The following LARGE1 variants were observed in gnomAD, a reference collection of about 807,000 sequenced individuals.
LARGE1 encodes LARGE xylosyl- and glucuronyltransferase 1, also known as xylosyl- and glucuronyltransferase LARGE1.
LARGE1 carries 43 observed loss-of-function variants against 87.6 expected under a neutral mutation model. The ratio of observed to expected loss-of-function variants is 0.49; its 90% confidence interval spans 0.38 to 0.63. LARGE1 has a LOEUF of 0.63. LARGE1 is among the 30% of genes least tolerant of loss of function. LARGE1 has a pLI of 0.00. For synonymous variants in LARGE1, 434 were observed against 394.6 expected, an observed-to-expected ratio of 1.10 and a Z score of -1.18; for missense variants, 802 against 1,000.2, an observed-to-expected ratio of 0.80 and a Z score of 2.67.
At chr22:33,760,111 A>G (rs923098946) in intron 2 of LARGE1, among the ~76,000 whole-genome samples, 3 of 152,236 alleles carry the variant, frequency 2.0e-5, no homozygotes, top group Non-Finnish European at 4.4e-5. Context: ...AATTATGCAT[A>G]AAGGAAACGT....
intron 11 of LARGE1, among the ~76,000 whole-genome samples, chr22:33,187,793 G>A (rs977382853): frequency 6.6e-5 from 10 of 151,352 alleles, no homozygotes; most frequent in East Asian, 2.0e-4. Flanking sequence ...GCATGGTGGC[G>A]GGTGCCTGTA....
intron 7 of LARGE1, among the ~76,000 whole-genome samples, chr22:33,388,718 AC>A (rs2065411868): frequency 6.6e-6 from 1 of 152,006 alleles, no homozygotes; most frequent in Admixed American, 6.6e-5. Flanking sequence ...GGCACACACC[AC>A]CACGCCTGGC....
intron 9 of LARGE1, among the ~76,000 whole-genome samples, chr22:33,348,264 C>T (rs1939982265): frequency 1.8e-5 from 2 of 112,176 alleles, no homozygotes; most frequent in South Asian, 6.7e-4. Context: ...GAGACTCTGT[C>T]CCCGCTCCCC....
chr22:33,785,816 TA>T (rs35227683), intron 1 of LARGE1, among the ~76,000 whole-genome samples: 3 of 151,646 alleles, frequency 2.0e-5, no homozygotes, highest in Non-Finnish European at 2.9e-5. Context: ...CAAAGCCACT[TA>T]AAAAAAAATT....
chr22:33,808,092 A>G (rs1429011805), intron 1 of LARGE1, among the ~76,000 whole-genome samples: 1 of 152,238 alleles, frequency 6.6e-6, no homozygotes, highest in Non-Finnish European at 1.5e-5. Context: ...TGTCTTCCAA[A>G]GTGGCTATAC....
intron 5 of LARGE1, among the ~76,000 whole-genome samples, chr22:33,569,858 G>A (rs1365532570): frequency 1.3e-5 from 2 of 152,208 alleles, no homozygotes; most frequent in Non-Finnish European, 2.9e-5. Context: ...AGGCAGGGAC[G>A]ATGTCTTTTT....
chr22:33,152,726 G>A, the LARGE1 span, among the ~76,000 whole-genome samples: 3 of 152,086 alleles, frequency 2.0e-5, no homozygotes, highest in South Asian at 6.2e-4. Context: ...AAAGGATCTG[G>A]TTTCTTTTTA....
At chr22:33,862,201 G>C (rs967305120) in intron 1 of LARGE1, among the ~76,000 whole-genome samples, 1 of 152,116 alleles carries the variant, frequency 6.6e-6, no homozygotes, top group Non-Finnish European at 1.5e-5. Context: ...CTCTGTCCTC[G>C]AGAGCTCACG....
At chr22:33,744,790 G>T (rs992839909) in intron 2 of LARGE1, among the ~76,000 whole-genome samples, 1 of 152,198 alleles carries the variant, frequency 6.6e-6, no homozygotes, top group Non-Finnish European at 1.5e-5. Flanking sequence ...GGAGGAGAAG[G>T]AGGAAAGACA....
intron 6 of LARGE1, among the ~76,000 whole-genome samples, chr22:33,549,461 T>A (rs944951011): frequency 6.6e-6 from 1 of 152,216 alleles, no homozygotes; most frequent in African/African-American, 2.4e-5. Flanking sequence ...TGTGCCCTTT[T>A]GTGGATGTGA....
chr22:33,464,840 C>G (rs2068522873), intron 6 of LARGE1, among the ~76,000 whole-genome samples: 1 of 151,460 alleles, frequency 6.6e-6, no homozygotes, highest in South Asian at 2.1e-4. Flanking sequence ...TGCACACACC[C>G]ACGCACACAT....
intron 6 of LARGE1, among the ~76,000 whole-genome samples, chr22:33,482,789 G>C (rs914067713): frequency 1.3e-5 from 2 of 152,056 alleles, no homozygotes; most frequent in Admixed American, 6.6e-5. Context: ...TTGACTGTAG[G>C]CACCCTATTT....
the LARGE1 span, among the ~76,000 whole-genome samples, chr22:33,113,265 T>A: frequency 6.7e-6 from 1 of 148,340 alleles, no homozygotes; most frequent in Non-Finnish European, 1.5e-5. Context: ...TGGAGTGCAA[T>A]GGCATGATCT....
chr22:33,750,894 T>G (rs2084290457), intron 2 of LARGE1: 1 of 152,218 alleles, frequency 6.6e-6, no homozygotes. Flanking sequence ...CCAATGTCAT[T>G]ACATAGAAGT....
At chr22:33,393,192 G>A (rs2065594388) in intron 7 of LARGE1, among the ~76,000 whole-genome samples, 1 of 152,146 alleles carries the variant, frequency 6.6e-6, no homozygotes, top group Non-Finnish European at 1.5e-5. Flanking sequence ...TTCTTCAAAG[G>A]TTAGGAGTTT....
Position 33,633,495 on chromosome 22 carries a change from A to G in LARGE1, c.409-7169T>C, listed in dbSNP as rs199815091. Among the ~76,000 whole-genome samples, 591 of 152,244 alleles carry G rather than the reference A, an allele frequency of 3.9e-3. 3 individuals carry two copies. Among genetic ancestry groups the G allele is most frequent in the African/African-American group, 0.014 (574 of 41,536 alleles). On this transcript the variant is annotated intron_variant, in intron 3 of 14. Coordinates refer to ENST00000397394, the MANE Select transcript of LARGE1 (RefSeq NM_133642.5). Reference sequence around the variant, plus strand: ...CAGTTTTTCACAGATAAATATGGGGAAAAAAATCATTGTCCCAAAAGAAAT... The same window carrying G: ...CAGTTTTTCACAGATAAATATGGGGGAAAAAATCATTGTCCCAAAAGAAAT...
chr22:33,557,394 T>G (rs2077722159), intron 6 of LARGE1, among the ~76,000 whole-genome samples: 1 of 151,972 alleles, frequency 6.6e-6, no homozygotes, highest in African/African-American at 2.4e-5. Flanking sequence ...GGCAGGCTGG[T>G]TAAGAGAGGC....
In LARGE1 at chr22:33,452,444, TCTC is replaced by T. The variant is rs1287488862; in HGVS notation, c.788-20182_788-20180del. On this transcript the variant is annotated intron_variant, in intron 6 of 14. Transcript: ENST00000397394. ...GGCAGAGAAGGTAGAGGTGGTGGCT[TCTC>T]CTCCAGGAAGGGGCCCATGGCAGGC... 3.3e-5 allele frequency among the ~76,000 whole-genome samples: 5 copies of T among 152,164 alleles called. No homozygotes were observed. The East Asian group carries it at 7.7e-4, about 24-fold the overall frequency.
At chr22:33,367,592 T>A (rs1433148439) in intron 9 of LARGE1, among the ~76,000 whole-genome samples, 1 of 151,684 alleles carries the variant, frequency 6.6e-6, no homozygotes, top group Non-Finnish European at 1.5e-5. Context: ...CATCCCCCCA[T>A]TTATTTATTT....
Sources: gnomAD v4.1 joint callset for allele counts (sites outside exome capture counted in the v4.1 genomes callset) on GRCh38, gnomAD v4.1.1 for gene constraint, MANE v1.5 for transcripts, NCBI Gene and HGNC (gene_info 2026-07-23, HGNC 2026-07-21) for gene names.